The following AGBL4 variants were observed in gnomAD, a reference collection of about 807,000 sequenced individuals.
The protein encoded by AGBL4 is AGBL carboxypeptidase 4.
A neutral mutation model predicts 66.4 loss-of-function variants in AGBL4; 58 were observed. The ratio of observed to expected loss-of-function variants is 0.87; its 90% CI spans 0.71 to 1.09. The LOEUF is 1.09. AGBL4 is among the 50% of genes least tolerant of loss of function. The pLI is 0.00. For missense variants in AGBL4, 579 were observed against 631.0 expected (o/e 0.92, Z 0.88); for synonymous variants, 234 against 222.9 (o/e 1.05, Z -0.44).
chr1:49,479,647 T>A (rs1041263922), intron 3 of AGBL4, among the ~76,000 whole-genome samples: 4 of 151,998 alleles, frequency 2.6e-5, no homozygotes, highest in Non-Finnish European at 4.4e-5. Flanking sequence ...TTTCTTTTTT[T>A]TATAGCTGCA....
intron 4 of AGBL4, among the ~76,000 whole-genome samples, chr1:49,195,345 T>C (rs954444878): frequency 7.9e-5 from 12 of 152,370 alleles, no homozygotes; most frequent in African/African-American, 2.9e-4. Context: ...AGGACTGGTC[T>C]AGTGATGATG....
intron 4 of AGBL4, among the ~76,000 whole-genome samples, chr1:49,236,991 C>T (rs953390321): frequency 3.3e-5 from 5 of 151,770 alleles, no homozygotes; most frequent in South Asian, 2.1e-4. Context: ...GGGAGTTTTT[C>T]GCACCTGTAA....
intron 3 of AGBL4, among the ~76,000 whole-genome samples, chr1:49,504,616 T>C (rs1329784930): frequency 1.3e-5 from 2 of 152,098 alleles, no homozygotes; most frequent in Non-Finnish European, 2.9e-5. Flanking sequence ...ATTTTTATAG[T>C]TTTGAACTTA....
chr1:49,700,304 T>C (rs996732141), intron 2 of AGBL4, among the ~76,000 whole-genome samples: 1 of 93,722 alleles, frequency 1.1e-5, no homozygotes, highest in Non-Finnish European at 2.1e-5. Context: ...ATTAAATAGA[T>C]AGATAGATAG....
chr1:49,526,497 A>T (rs1650673110), intron 3 of AGBL4, among the ~76,000 whole-genome samples: 1 of 152,162 alleles, frequency 6.6e-6, no homozygotes, highest in Admixed American at 6.5e-5. Flanking sequence ...GCATAATGTC[A>T]TAAATAAGTC....
At chr1:49,615,440 C>T (rs768735121) in intron 3 of AGBL4, among the ~76,000 whole-genome samples, 1 of 152,082 alleles carries the variant, frequency 6.6e-6, no homozygotes, top group African/African-American at 2.4e-5. Context: ...TTATAAATCA[C>T]ATAAAATGTT....
chr1:48,807,388 G>A (rs1487512691), intron 6 of AGBL4, among the ~76,000 whole-genome samples: 1 of 152,206 alleles, frequency 6.6e-6, no homozygotes, highest in Non-Finnish European at 1.5e-5. Context: ...AACAGGCTGA[G>A]GTGATGCAAA....
chr1:49,174,229 C>T (rs1646790592), intron 4 of AGBL4, among the ~76,000 whole-genome samples: 1 of 151,906 alleles, frequency 6.6e-6, no homozygotes, highest in Non-Finnish European at 1.5e-5. Context: ...CCAGTAAGAA[C>T]TAGAAAACTG....
chr1:49,958,008 T>C (rs1207231779), intron 1 of AGBL4, among the ~76,000 whole-genome samples: 2 of 152,092 alleles, frequency 1.3e-5, no homozygotes, highest in Non-Finnish European at 2.9e-5. Flanking sequence ...CGGTTGTTCC[T>C]TTCCATGTTT....
chr1:49,841,799 TAAAAA>T, intron 2 of AGBL4: 2 of 266,326 alleles, frequency 7.5e-6, no homozygotes, highest in South Asian at 4.8e-5. Context: ...GACAATGTGA[TAAAAA>T]AAAAAAAAAA....
intron 3 of AGBL4, among the ~76,000 whole-genome samples, chr1:49,277,701 AG>A (rs1422575873): frequency 6.6e-6 from 1 of 151,646 alleles, no homozygotes; most frequent in Non-Finnish European, 1.5e-5. Context: ...AGAGACAGCA[AG>A]TAATTTTCCT....
chr1:49,967,142 A>G (rs1421736638), intron 1 of AGBL4, among the ~76,000 whole-genome samples: 1 of 152,070 alleles, frequency 6.6e-6, no homozygotes, highest in Non-Finnish European at 1.5e-5. Context: ...AAGCATTCCT[A>G]TTTCTCCACA....
rs2148617506 is a variant in AGBL4, at chr1:48,748,064, A to G, written c.635-84823T>C. 1.3e-5 allele frequency among the ~76,000 whole-genome samples: 2 copies of G among 152,348 alleles called. 1 individual carries two copies. Among genetic ancestry groups the G allele is most frequent in the Middle Eastern group, 6.8e-3 (2 of 294 alleles). On this transcript the variant is annotated intron_variant, in intron 6 of 13. Transcript: ENST00000371839. ...CAAAATTCCTAAATGCGTACAGAAC[A>G]TCTGCTGTGGCACACAGAAAGTACT...
intron 6 of AGBL4, among the ~76,000 whole-genome samples, chr1:48,857,408 G>T (rs1647201195): frequency 6.6e-6 from 1 of 152,160 alleles, no homozygotes; most frequent in Non-Finnish European, 1.5e-5. Context: ...AAGAGATAAA[G>T]CTATAAAATT....
intron 9 of AGBL4, among the ~76,000 whole-genome samples, chr1:48,622,259 C>T (rs1645425985): frequency 6.6e-6 from 1 of 152,134 alleles, no homozygotes; most frequent in South Asian, 2.1e-4. Context: ...CCTACCCTTC[C>T]TTCAAAGCTT....
intron 4 of AGBL4, among the ~76,000 whole-genome samples, chr1:49,094,362 G>T (rs1645053804): frequency 6.6e-6 from 1 of 152,088 alleles, no homozygotes; most frequent in Non-Finnish European, 1.5e-5. Flanking sequence ...TATCTGGATG[G>T]ATCTCATTTA....
At chr1:49,087,154 G>C (rs1364988635) in intron 4 of AGBL4, among the ~76,000 whole-genome samples, 1 of 152,088 alleles carries the variant, frequency 6.6e-6, no homozygotes, top group Non-Finnish European at 1.5e-5. Flanking sequence ...ACTAGTGCAA[G>C]AGCTCTGACA....
In AGBL4 at chr1:49,355,842, A is replaced by G. The variant is rs1012954392; in HGVS notation, c.283-109978T>C. On this transcript the variant is annotated intron_variant, in intron 3 of 13. Transcript: ENST00000371839. ...CATGTCACTTCCTCATAAAGCAAAG[A>G]GCAATGAGTATGTAGCATGTCATTC... Among the ~76,000 whole-genome samples, 5 of 152,300 alleles carry G rather than the reference A, an allele frequency of 3.3e-5. No homozygotes were observed. The South Asian group carries it at 1.0e-3, about 32-fold the overall frequency.
rs1026800105 is a variant in AGBL4 at position 48,657,409 on chromosome 1, C to G, written c.725-3958G>C. Among the ~76,000 whole-genome samples, 6 of 152,278 alleles carry G rather than the reference C, an allele frequency of 3.9e-5. No homozygotes were observed. The East Asian group carries it at 9.7e-4, about 25-fold the overall frequency. On this transcript the variant is annotated intron_variant, in intron 7 of 13. Coordinates refer to ENST00000371839, the MANE Select transcript of AGBL4 (RefSeq NM_032785.4). ...TATAGAGCTATTGCCAGGTTTTAAGCCTGGGTCAGATATGGGCTTTGGAGA... is the reference window on the plus strand; with the variant it reads ...TATAGAGCTATTGCCAGGTTTTAAGGCTGGGTCAGATATGGGCTTTGGAGA...
Sources: allele counts gnomAD v4.1 joint callset (sites outside exome capture counted in the v4.1 genomes callset), GRCh38; gene constraint gnomAD v4.1.1; transcripts MANE v1.5; gene names NCBI Gene and HGNC (gene_info 2026-07-23, HGNC 2026-07-21).